CCDC91: variants seen among roughly 807,000 people sequenced by gnomAD.
The protein encoded by CCDC91 is coiled-coil domain containing 91.
Under a neutral mutation model 63.2 loss-of-function variants are expected in CCDC91, and 48 were observed. The ratio of observed to expected loss-of-function variants is 0.76; its 90% CI spans 0.60 to 0.97. The LOEUF (loss-of-function observed/expected upper bound fraction) is 0.97. Ranked by LOEUF, CCDC91 falls within the 50% of genes least tolerant of loss-of-function variation. The pLI is 0.00. For synonymous variants in CCDC91, 167 were observed against 165.8 expected, an observed-to-expected ratio of 1.01 and a Z score of -0.06; for missense variants, 500 against 494.6, an observed-to-expected ratio of 1.01 and a Z score of -0.10.
chr12:28,375,724 A>C (rs1305114254), intron 7 of CCDC91, among the ~76,000 whole-genome samples: 2 of 151,940 alleles, frequency 1.3e-5, no homozygotes, highest in Non-Finnish European at 2.9e-5. Context: ...AAGATTGTTT[A>C]CTGCAAGCAA....
At chr12:28,232,116 T>C (rs1351305987) in intron 1 of CCDC91, among the ~76,000 whole-genome samples, 1 of 152,180 alleles carries the variant, frequency 6.6e-6, no homozygotes, top group East Asian at 1.9e-4. Flanking sequence ...GGTGGATCAT[T>C]TTATATATCT....
intron 12 of CCDC91, among the ~76,000 whole-genome samples, chr12:28,500,775 A>G (rs1565482725): frequency 6.6e-6 from 1 of 151,708 alleles, no homozygotes. Context: ...GATGTATTCC[A>G]TAGATATTTG....
At chr12:28,378,849 C>A (rs899895590) in intron 7 of CCDC91, among the ~76,000 whole-genome samples, 3 of 152,084 alleles carry the variant, frequency 2.0e-5, no homozygotes, top group African/African-American at 7.2e-5. Context: ...CTCCCACCAA[C>A]TTAACCTCAG....
intron 6 of CCDC91, among the ~76,000 whole-genome samples, chr12:28,341,662 A>G (rs1427336129): frequency 1.3e-5 from 2 of 152,100 alleles, no homozygotes; most frequent in East Asian, 1.9e-4. Context: ...CACTTTGAAA[A>G]CTATAGTTCT....
At chr12:28,425,416 C>CT (rs1948256927) in intron 8 of CCDC91, among the ~76,000 whole-genome samples, 1 of 152,100 alleles carries the variant, frequency 6.6e-6, no homozygotes, top group Non-Finnish European at 1.5e-5. Context: ...TCCTCGTCTA[C>CT]TCCAGGCTCT....
chr12:28,218,521 A>G (rs1006714269), intron 1 of CCDC91, among the ~76,000 whole-genome samples: 79 of 152,084 alleles, frequency 5.2e-4, no homozygotes, highest in South Asian at 4.1e-4. Context: ...AAATATTTAC[A>G]TATGAGAAAC....
chr12:28,246,666 G>A (rs769872509), intron 1 of CCDC91, among the ~76,000 whole-genome samples: 1 of 152,116 alleles, frequency 6.6e-6, no homozygotes, highest in Non-Finnish European at 1.5e-5. Context: ...ATAATGAAAG[G>A]ATTGGAGAGC....
At chr12:28,471,216 AC>A (rs1196477445) in intron 11 of CCDC91, among the ~76,000 whole-genome samples, 1 of 152,198 alleles carries the variant, frequency 6.6e-6, no homozygotes, top group Non-Finnish European at 1.5e-5. Flanking sequence ...GAGGGAAAAA[AC>A]AATGTGCAAA....
chr12:28,219,574 C>T (rs1175334585), intron 1 of CCDC91, among the ~76,000 whole-genome samples: 1 of 150,166 alleles, frequency 6.7e-6, no homozygotes, highest in East Asian at 2.0e-4. Context: ...TGGGTTCATG[C>T]CATTCTTCTG....
At chr12:28,255,728 T>C (rs1236298447) in intron 1 of CCDC91, 1 of 152,310 alleles carries the variant, frequency 6.6e-6, no homozygotes, top group East Asian at 1.9e-4. Context: ...TTTTACAATA[T>C]GTTTCTGTCT....
chr12:28,331,621 C>G (rs1941520547), intron 6 of CCDC91, among the ~76,000 whole-genome samples: 1 of 152,076 alleles, frequency 6.6e-6, no homozygotes. Flanking sequence ...AGTTCTTTAC[C>G]CAGAGCTAGG....
intron 1 of CCDC91, among the ~76,000 whole-genome samples, chr12:28,231,084 A>AT (rs1433913803): frequency 1.3e-5 from 2 of 152,170 alleles, no homozygotes; most frequent in Non-Finnish European, 1.5e-5. Flanking sequence ...GCTCTAAGAA[A>AT]TAGAGCTCTG....
chr12:28,367,448 A>G (rs1274647728), intron 7 of CCDC91, among the ~76,000 whole-genome samples: 1 of 152,242 alleles, frequency 6.6e-6, no homozygotes, highest in Non-Finnish European at 1.5e-5. Flanking sequence ...CGAACAGTAT[A>G]GAGAAAACAA....
intron 3 of CCDC91, among the ~76,000 whole-genome samples, chr12:28,272,787 T>A (rs1947874891): frequency 6.6e-6 from 1 of 152,114 alleles, no homozygotes; most frequent in African/African-American, 2.4e-5. Flanking sequence ...ATTATTGTAA[T>A]ATATGCTTAT....
intron 1 of CCDC91, among the ~76,000 whole-genome samples, chr12:28,224,525 A>G (rs1226959358): frequency 6.6e-6 from 1 of 151,182 alleles, no homozygotes; most frequent in African/African-American, 2.4e-5. Flanking sequence ...TTGTGCTTTG[A>G]TTTTCATCTT....
rs371643378 is a variant in CCDC91 at position 28,276,665 on chromosome 12, A to AT, written c.109+17230dup. On this transcript the variant is annotated intron_variant, in intron 3 of 12. Coordinates refer to ENST00000536442, the MANE Select transcript of CCDC91 (RefSeq NM_018318.5). ...GCCTTTCAAGGTCTTGGGGCAAATG[A>AT]TTTTTTTCATTTTCATAAAAGGACA... Among the ~76,000 whole-genome samples, 122 of 151,920 alleles carry AT rather than the reference A, an allele frequency of 8.0e-4. 1 individual carries two copies. The highest frequency in any genetic ancestry group is 2.8e-3 in the African/African-American group (116 of 41,476).
intron 12 of CCDC91, among the ~76,000 whole-genome samples, chr12:28,543,618 C>T (rs1942786507): frequency 6.6e-6 from 1 of 151,990 alleles, no homozygotes; most frequent in African/African-American, 2.4e-5. Flanking sequence ...CTTTCATTCC[C>T]TAAATATTTT....
At chr12:28,436,906 T>G (rs1195833214) in intron 8 of CCDC91, among the ~76,000 whole-genome samples, 3 of 151,926 alleles carry the variant, frequency 2.0e-5, no homozygotes, top group East Asian at 1.9e-4. Flanking sequence ...ATTAAAGATT[T>G]TATATTAAAA....
chr12:28,212,524 C>T (rs1403093688), intron 1 of CCDC91, among the ~76,000 whole-genome samples: 1 of 152,190 alleles, frequency 6.6e-6, no homozygotes, highest in Non-Finnish European at 1.5e-5. Context: ...GCGCATACCC[C>T]TAAGTTAGGT....
Sources: allele counts gnomAD v4.1 joint callset (sites outside exome capture counted in the v4.1 genomes callset), GRCh38; gene constraint gnomAD v4.1.1; transcripts MANE v1.5; gene names NCBI Gene and HGNC (gene_info 2026-07-23, HGNC 2026-07-21).